The following C4orf51 variants were observed in gnomAD, a reference collection of about 807,000 sequenced individuals.
The protein encoded by C4orf51 is chromosome 4 open reading frame 51.
In C4orf51, 25 loss-of-function variants were observed where a neutral mutation model predicts 25.2. The observed-to-expected ratio is 0.99, with a 90% CI of 0.72 to 1.39. The LOEUF is 1.39. Ranked by LOEUF, C4orf51 falls within the 40% of genes most tolerant of loss-of-function variation. The probability of loss-of-function intolerance (pLI) is 0.00; values close to 1 mark genes in which losing one functional copy is unlikely to be tolerated. For synonymous variants in C4orf51, 100 were observed against 84.5 expected (o/e 1.18, Z -1.01); for missense variants, 252 against 239.6 (o/e 1.05, Z -0.34).
chr4:145,720,428 C>T (rs1010006806), intron 2 of C4orf51, among the ~76,000 whole-genome samples: 8 of 152,204 alleles, frequency 5.3e-5, no homozygotes, highest in Admixed American at 2.0e-4. Flanking sequence ...CCCCCACCTA[C>T]ACTCCCCCAA....
At chr4:145,694,377 G>GGT (rs1729889727) in intron 1 of C4orf51, among the ~76,000 whole-genome samples, 1 of 145,838 alleles carries the variant, frequency 6.9e-6, no homozygotes, top group African/African-American at 2.5e-5. Context: ...GAGGTGGGGG[G>GGT]GTCAGCCCTC....
the C4orf51 span, chr4:145,779,433 A>G: frequency 6.2e-7 from 1 of 1,614,172 alleles, no homozygotes; most frequent in Non-Finnish European, 8.5e-7. Flanking sequence ...TTTCCCACAC[A>G]CGTCACAGGG....
chr4:145,729,269 TG>T, intron 4 of C4orf51, 40 bp downstream of exon 4: 1 of 1,214,798 alleles, frequency 8.2e-7, no homozygotes, highest in South Asian at 1.3e-5. Flanking sequence ...ATCCATTTTC[TG>T]GCCTTTATTT....
At chr4:145,735,658 G>A (rs1464218895), downstream of C4orf51, among the ~76,000 whole-genome samples, 1 of 152,166 alleles carries the variant, frequency 6.6e-6, no homozygotes, top group African/African-American at 2.4e-5. Context: ...CATAAATGAG[G>A]TCTTCGTGCA....
At chr4:145,724,880 C>CAAAAAAAAAAAAAAAAAA (rs1222983724) in intron 2 of C4orf51, among the ~76,000 whole-genome samples, 7 of 68,312 alleles carry the variant, frequency 1.0e-4, no homozygotes, top group Non-Finnish European at 1.4e-4. Context: ...AAGACTGTCT[C>CAAAAAAAAAAAAAAAAAA]AAAAAAAAAA....
At chr4:145,774,583 G>A (rs1425617575), downstream of C4orf51, 10 of 1,613,298 alleles carry the variant, frequency 6.2e-6, no homozygotes, top group Admixed American at 5.0e-5. Context: ...GCAGCAGATC[G>A]AAAACATCCA....
At chr4:145,779,164 G>A in the C4orf51 span, among the ~76,000 whole-genome samples, 1 of 152,146 alleles carries the variant, frequency 6.6e-6, no homozygotes, top group Non-Finnish European at 1.5e-5. Context: ...TTTTCTCATC[G>A]GTCCTACCTG....
intron 1 of C4orf51, among the ~76,000 whole-genome samples, chr4:145,686,194 G>A (rs918008963): frequency 2.0e-5 from 3 of 152,120 alleles, no homozygotes; most frequent in Admixed American, 6.5e-5. Context: ...GACGTACCTA[G>A]GCTAGGCAAA....
chr4:145,750,217 A>G (rs752646278), intron 1 of C4orf51, among the ~76,000 whole-genome samples: 1 of 151,916 alleles, frequency 6.6e-6, no homozygotes, highest in Admixed American at 6.6e-5. Flanking sequence ...ATTACCAGTG[A>G]GTTTTGTACC....
chr4:145,723,231 C>T (rs1250065868), intron 2 of C4orf51, among the ~76,000 whole-genome samples: 1 of 152,082 alleles, frequency 6.6e-6, no homozygotes, highest in African/African-American at 2.4e-5. Context: ...ATCTTGGCTG[C>T]TTCTAAGTTG....
the C4orf51 span, among the ~76,000 whole-genome samples, chr4:145,778,196 C>T: frequency 1.9e-3 from 293 of 152,208 alleles, 2 homozygotes; most frequent in Middle Eastern, 0.017. Flanking sequence ...TGCAGTGGCA[C>T]GATCTTGGCT....
downstream of C4orf51, among the ~76,000 whole-genome samples, chr4:145,734,839 G>A (rs1732715413): frequency 6.6e-6 from 1 of 152,204 alleles, no homozygotes; most frequent in Non-Finnish European, 1.5e-5. Flanking sequence ...GGTCAAGGCA[G>A]CCTGTGACTC....
chr4:145,698,052 T>C (rs1048121638), intron 2 of C4orf51, among the ~76,000 whole-genome samples: 5 of 152,240 alleles, frequency 3.3e-5, no homozygotes, highest in Admixed American at 1.3e-4. Context: ...GTTGTGGTTT[T>C]GATTTGCATT....
chr4:145,783,918 T>C, the C4orf51 span, among the ~76,000 whole-genome samples: 6 of 152,104 alleles, frequency 3.9e-5, no homozygotes, highest in Non-Finnish European at 8.8e-5. Flanking sequence ...TGGGAGGTGA[T>C]TGGATCATGG....
downstream of C4orf51, among the ~76,000 whole-genome samples, chr4:145,735,080 G>T (rs1235332086): frequency 1.3e-5 from 2 of 152,196 alleles, no homozygotes; most frequent in Non-Finnish European, 2.9e-5. Flanking sequence ...TAACATGGAA[G>T]TTGCAACGTG....
chr4:145,708,000 C>G (rs1250255451), intron 2 of C4orf51, among the ~76,000 whole-genome samples: 1 of 152,236 alleles, frequency 6.6e-6, no homozygotes. Context: ...CAGTGGCCGA[C>G]TTTCTGGCAG....
At chr4:145,729,426 C>T (rs959256838) in intron 4 of C4orf51, among the ~76,000 whole-genome samples, 197 bp downstream of exon 4, 3 of 151,626 alleles carry the variant, frequency 2.0e-5, no homozygotes, top group Non-Finnish European at 2.9e-5. Flanking sequence ...CTCAGCCTCC[C>T]GAGTAGCTGG....
At chr4:145,725,574 C>T (rs891811984) in intron 2 of C4orf51, among the ~76,000 whole-genome samples, 4 of 149,648 alleles carry the variant, frequency 2.7e-5, no homozygotes, top group Non-Finnish European at 4.4e-5. Context: ...CTAGTATATT[C>T]GTACAATGGA....
intron 2 of C4orf51, among the ~76,000 whole-genome samples, chr4:145,705,120 C>T (rs959384250): frequency 6.6e-6 from 1 of 152,192 alleles, no homozygotes; most frequent in Non-Finnish European, 1.5e-5. Context: ...TGTATACATG[C>T]TCATTTGAGG....
Sources: allele counts gnomAD v4.1 joint callset (sites outside exome capture counted in the v4.1 genomes callset), GRCh38; gene constraint gnomAD v4.1.1; transcripts MANE v1.5; gene names NCBI Gene and HGNC (gene_info 2026-07-23, HGNC 2026-07-21).